ERBIN: variants seen among roughly 807,000 people sequenced by gnomAD.
The protein encoded by ERBIN is densin-180-like protein.
In ERBIN, 60 loss-of-function variants were observed where a neutral mutation model predicts 158.4. The ratio of observed to expected loss-of-function variants is 0.38; its 90% CI spans 0.31 to 0.47. The LOEUF is 0.47. Ranked by LOEUF, ERBIN falls within the 20% of genes least tolerant of loss-of-function variation. The pLI is 0.99. For synonymous variants in ERBIN, 594 were observed against 557.2 expected (o/e 1.07, Z -0.93); for missense variants, 1,610 against 1,648.0 (o/e 0.98, Z 0.40).
chr5:66,006,480 T>C (rs1753612186), intron 4 of ERBIN, among the ~76,000 whole-genome samples: 1 of 152,160 alleles, frequency 6.6e-6, no homozygotes, highest in Non-Finnish European at 1.5e-5. Context: ...GACATAGGCA[T>C]GGGCAAGGAC....
At position 66,079,372 on chromosome 5, in the gene ERBIN, AT is replaced by A. The variant is rs201439322; in HGVS notation, c.*857del. 1,598 of 132,916 alleles carry A rather than the reference AT, an allele frequency of 0.012. 9 individuals carry two copies. The highest frequency in any genetic ancestry group is 0.031 in the African/African-American group (1,112 of 36,140). 8.2% of individuals were successfully genotyped at this position (132,916 alleles called of 1,614,324 possible). ...TTTTCTGTGTTATGGAAATCCACTG[AT>A]TTTTTTTTTTTTTTCAAATGGTGGT... is the stretch of plus-strand genomic sequence containing the variant. On this transcript the variant is annotated 3_prime_UTR_variant, in exon 26 of 26. Coordinates refer to ENST00000284037, the MANE Select transcript of ERBIN (RefSeq NM_001253697.2).
chr5:66,033,505 A>G (rs1220203244), intron 14 of ERBIN, among the ~76,000 whole-genome samples: 1 of 152,160 alleles, frequency 6.6e-6, no homozygotes, highest in Non-Finnish European at 1.5e-5. Context: ...CTGAAGGAAG[A>G]AGTTGTTAAT....
chr5:66,076,814 C>A, intron 24 of ERBIN, 61 bp from the exon 25 acceptor site: 1 of 1,280,414 alleles, frequency 7.8e-7, no homozygotes, highest in African/African-American at 1.5e-5. Context: ...AAAATTGCTC[C>A]TTGGTACTCT....
At chr5:66,044,549 G>A (rs1758225816) in intron 17 of ERBIN, among the ~76,000 whole-genome samples, 1 of 150,826 alleles carries the variant, frequency 6.6e-6, no homozygotes, top group Non-Finnish European at 1.5e-5. Flanking sequence ...CAGATCACTT[G>A]AGGTCAGGAG....
At chr5:66,059,380 T>C (rs981635328) in intron 21 of ERBIN, among the ~76,000 whole-genome samples, 5 of 152,252 alleles carry the variant, frequency 3.3e-5, no homozygotes, top group African/African-American at 9.6e-5. Context: ...TTTTTACACA[T>C]TGATTTTATA....
At chr5:65,964,945 T>TGTGTGTG (rs1244833398) in intron 1 of ERBIN, among the ~76,000 whole-genome samples, 3 of 116,602 alleles carry the variant, frequency 2.6e-5, no homozygotes, top group African/African-American at 1.1e-4. Context: ...TGTGTGTGTG[T>TGTGTGTG]AATTTTTTTT....
chr5:65,934,499 A>G (rs1371399664), intron 1 of ERBIN, among the ~76,000 whole-genome samples: 1 of 151,412 alleles, frequency 6.6e-6, no homozygotes, highest in Non-Finnish European at 1.5e-5. Context: ...ATACCCCTCA[A>G]TTTTCATTTG....
chr5:65,972,503 T>A (rs1749379392), intron 1 of ERBIN, among the ~76,000 whole-genome samples: 2 of 151,450 alleles, frequency 1.3e-5, no homozygotes, highest in Admixed American at 6.6e-5. Flanking sequence ...CCATAGTTTC[T>A]ACAGAAAAAT....
At chr5:65,985,164 G>A (rs954276720) in intron 1 of ERBIN, among the ~76,000 whole-genome samples, 1 of 152,202 alleles carries the variant, frequency 6.6e-6, no homozygotes, top group Non-Finnish European at 1.5e-5. Context: ...CGCAATCTTG[G>A]CTCACTCCAG....
At chr5:66,063,229 C>A (rs920318462) in intron 21 of ERBIN, among the ~76,000 whole-genome samples, 4 of 152,226 alleles carry the variant, frequency 2.6e-5, no homozygotes, top group Non-Finnish European at 5.9e-5. Context: ...CTACTCAAGC[C>A]TGGGCAATGG....
At chr5:66,038,092 C>T (rs1277408845) in intron 14 of ERBIN, among the ~76,000 whole-genome samples, 1 of 152,056 alleles carries the variant, frequency 6.6e-6, no homozygotes, top group Non-Finnish European at 1.5e-5. Context: ...TAATAAGTAA[C>T]GGACTATGGA....
At chr5:66,000,793 A>G (rs1752943864) in intron 4 of ERBIN, among the ~76,000 whole-genome samples, 1 of 152,100 alleles carries the variant, frequency 6.6e-6, no homozygotes, top group African/African-American at 2.4e-5. Flanking sequence ...ACTTCACTTC[A>G]TTGTTCATAA....
chr5:65,931,133 G>A (rs987263541), intron 1 of ERBIN, among the ~76,000 whole-genome samples: 1 of 152,214 alleles, frequency 6.6e-6, no homozygotes, highest in African/African-American at 2.4e-5. Flanking sequence ...ATTGAATGTA[G>A]TAGAAAAACT....
chr5:65,958,491 C>T (rs1003670110), intron 1 of ERBIN, among the ~76,000 whole-genome samples: 2 of 152,142 alleles, frequency 1.3e-5, no homozygotes, highest in African/African-American at 2.4e-5. Flanking sequence ...CGGGGCGGTG[C>T]GCGCCTGCAA....
intron 3 of ERBIN, 122 bp downstream of exon 3, chr5:65,993,029 G>A (rs1160992180): frequency 1.0e-5 from 7 of 669,188 alleles, no homozygotes; most frequent in Admixed American, 7.0e-5. Context: ...TGGTTTAATT[G>A]TATCGTAGAG....
Position 66,045,608 on chromosome 5 carries a change from G to A in ERBIN, c.1603-745G>A, listed in dbSNP as rs558157675. Among the ~76,000 whole-genome samples, 54 of 152,176 alleles carry A rather than the reference G, an allele frequency of 3.5e-4. 1 individual carries two copies. The South Asian group carries it at 5.6e-3, about 16-fold the overall frequency. ...ACATACCACTGTTGTTAAGTGCCAC[G>A]TGACTGCACTTGCAAATTTAAGGTT... On this transcript the variant is annotated intron_variant, in intron 17 of 25. Coordinates refer to ENST00000284037, the MANE Select transcript of ERBIN (RefSeq NM_001253697.2).
intron 3 of ERBIN, 47 bp from the exon 4 acceptor site, chr5:65,994,700 T>G (rs755427400): frequency 9.4e-7 from 1 of 1,061,954 alleles, no homozygotes; most frequent in Non-Finnish European, 1.4e-6. Context: ...TCATGAAATA[T>G]TTAAAGATGT....
intron 25 of ERBIN, among the ~76,000 whole-genome samples, chr5:66,077,783 CACACACACACAT>C (rs1174824915): frequency 1.5e-4 from 19 of 128,880 alleles, no homozygotes; most frequent in East Asian, 5.9e-4. Flanking sequence ...CACACACACA[CACACACACACAT>C]ACACACACAC....
intron 1 of ERBIN, among the ~76,000 whole-genome samples, chr5:65,962,484 A>G (rs934612686): frequency 1.3e-5 from 2 of 152,180 alleles, no homozygotes; most frequent in African/African-American, 2.4e-5. Context: ...TTTGTATACT[A>G]TGGTTCTGCC....
Sources: allele counts gnomAD v4.1 joint callset (sites outside exome capture counted in the v4.1 genomes callset), GRCh38; gene constraint gnomAD v4.1.1; transcripts MANE v1.5; gene names NCBI Gene and HGNC (gene_info 2026-07-23, HGNC 2026-07-21).